OFD1: variants seen among roughly 807,000 people sequenced by gnomAD.
The protein encoded by OFD1 is OFD1 centriole and centriolar satellite protein, also known as centriole and centriolar satellite protein OFD1.
Under a neutral mutation model 81.4 loss-of-function variants are expected in OFD1, and 12 were observed. That is an observed-to-expected ratio of 0.15 (90% CI 0.09 to 0.24). The LOEUF is 0.24. Ranked by LOEUF, OFD1 falls within the 10% of genes least tolerant of loss-of-function variation. The pLI, the probability that OFD1 is intolerant of heterozygous loss-of-function variation, is 1.00. For missense variants in OFD1, 685 were observed against 733.9 expected (o/e 0.93, Z 0.77); for synonymous variants, 256 against 263.7 (o/e 0.97, Z 0.28).
At chrX:13,739,090 A>G (rs993343882) in intron 5 of OFD1, 58 bp downstream of exon 5, 102 of 1,052,095 alleles carry the variant, frequency 9.7e-5, no homozygotes, top group Non-Finnish European at 1.3e-4. Context: ...TTTTTCCTCT[A>G]AAAGAATGAA....
the OFD1 span, chrX:13,722,194 C>T: frequency 2.4e-5 from 1 of 42,384 alleles, no homozygotes. Context: ...TTCTTCAGTA[C>T]ATTTAAGCAG....
chrX:13,736,440 T>C (rs746482818), intron 2 of OFD1, 38 bp from the exon 3 acceptor site: 18 of 1,179,742 alleles, frequency 1.5e-5, no homozygotes, highest in Non-Finnish European at 2.1e-5. Context: ...TTCTTTCCCT[T>C]GTGTTTCTTT....
At chrX:13,724,615 A>G in the OFD1 span, among the ~76,000 whole-genome samples, 1 of 111,675 alleles carries the variant, frequency 9.0e-6, no homozygotes, top group African/African-American at 3.3e-5. Context: ...ATATTAAGAA[A>G]ACGTCTAGGG....
At chrX:13,740,545 C>G (rs1223597097) in intron 5 of OFD1, among the ~76,000 whole-genome samples, 1 of 111,550 alleles carries the variant, frequency 9.0e-6, no homozygotes, top group Non-Finnish European at 1.9e-5. Context: ...GTAATCCCAG[C>G]ACTTTGGGAG....
intron 20 of OFD1, 177 bp from the exon 21 acceptor site, chrX:13,767,877 A>G: frequency 2.2e-6 from 1 of 445,024 alleles, no homozygotes; most frequent in Non-Finnish European, 3.9e-6. Context: ...ACCTTCCTTC[A>G]TTGAGATGAC....
intron 20 of OFD1, 90 bp from the exon 21 acceptor site, chrX:13,767,964 G>A: frequency 1.2e-5 from 11 of 922,706 alleles, no homozygotes; most frequent in Non-Finnish European, 1.7e-5. Context: ...TGTACTTGAA[G>A]GATCGGGATT....
chrX:13,738,878 T>G lies in OFD1; in HGVS notation c.345T>G (p.Ile115Met), dbSNP rs751918276. The change falls in exon 4 of 23, where the codon ATT (isoleucine) becomes ATG (methionine). Residue 115 changes from isoleucine (I) to methionine (M), a missense_variant. By Grantham distance (10) the Ile-to-Met change is conservative (BLOSUM62 1). Coordinates refer to ENST00000340096, the MANE Select transcript of OFD1 (RefSeq NM_003611.3). Reference sequence around the variant, plus strand: ...CTATGCAGGATCTATTACAACTCATTAAAATCAACCCTACTTCCAGTCTCT... The same window carrying G: ...CTATGCAGGATCTATTACAACTCATGAAAATCAACCCTACTTCCAGTCTCT... ...VFTMQDLLQLIKINPTSSLYK... is the reference protein window; with the variant it reads ...VFTMQDLLQLMKINPTSSLYK... The G allele has an allele frequency of 5.0e-6, 6 of 1,188,878 alleles. No homozygotes were observed. In the Admixed American group the frequency reaches 1.3e-4, roughly 26 times the overall value.
the OFD1 span, among the ~76,000 whole-genome samples, chrX:13,716,879 C>T: frequency 9.1e-6 from 1 of 110,308 alleles, no homozygotes; most frequent in African/African-American, 3.3e-5. Context: ...TACATCTCAA[C>T]AGAAACAGCC....
chrX:13,729,959 A>G (rs915856397), upstream of OFD1, among the ~76,000 whole-genome samples: 2 of 112,239 alleles, frequency 1.8e-5, no homozygotes, highest in African/African-American at 3.2e-5. Context: ...ACCTAAAACC[A>G]TAAAAACTCT....
chrX:13,764,793 G>T (rs1010046372), intron 19 of OFD1, among the ~76,000 whole-genome samples: 2 of 112,082 alleles, frequency 1.8e-5, no homozygotes, highest in Non-Finnish European at 3.8e-5. Flanking sequence ...AAAGCATTCA[G>T]TGAGACATGA....
intron 19 of OFD1, 28 bp downstream of exon 19, chrX:13,763,883 A>G: frequency 9.3e-7 from 1 of 1,070,921 alleles, no homozygotes. Context: ...ACTAACAGTC[A>G]GCAGGGTCGC....
intron 17 of OFD1, 73 bp downstream of exon 17, chrX:13,761,284 A>T: frequency 4.0e-5 from 42 of 1,048,895 alleles, no homozygotes; most frequent in Admixed American, 3.4e-4. Flanking sequence ...CACTTGTTTT[A>T]CTGGGATTTT....
Position 13,735,094 on chromosome X carries a change from C to G in OFD1, c.12+11C>G. The G allele has an allele frequency of 8.3e-7, 1 of 1,203,247 alleles. No individual in the cohort carries two copies. The highest frequency in any genetic ancestry group is 1.1e-6 in the Non-Finnish European group (1 of 893,068). ...CTGATGATGGCGCAGGTAGACACAC[C>G]TGCCCCTTCTCGGGCGGAAATAAAG... On this transcript the variant is annotated intron_variant, in intron 1 of 22. Coordinates refer to ENST00000340096, the MANE Select transcript of OFD1 (RefSeq NM_003611.3).
intron 10 of OFD1, 148 bp downstream of exon 10, chrX:13,751,516 C>T: frequency 2.0e-6 from 1 of 491,880 alleles, no homozygotes; most frequent in Non-Finnish European, 3.4e-6. Context: ...TCAATCCTTT[C>T]CTGCATTTGA....
At chrX:13,742,971 A>T (rs921233051) in intron 5 of OFD1, among the ~76,000 whole-genome samples, 5 of 112,004 alleles carry the variant, frequency 4.5e-5, no homozygotes, top group African/African-American at 1.6e-4. Context: ...CCCTTCCTGA[A>T]GGGAGTGGGG....
chrX:13,738,164 A>G (rs1474532134), intron 3 of OFD1, among the ~76,000 whole-genome samples: 1 of 112,479 alleles, frequency 8.9e-6, no homozygotes, highest in Non-Finnish European at 1.9e-5. Flanking sequence ...TTCATTTTTG[A>G]TACATCATTC....
intron 5 of OFD1, among the ~76,000 whole-genome samples, chrX:13,743,223 T>G (rs1479090596): frequency 1.8e-5 from 2 of 112,770 alleles, no homozygotes; most frequent in African/African-American, 6.5e-5. Context: ...TAGAATTGTT[T>G]GAGGTTAAAA....
chrX:13,752,312 A>G (rs918080276), intron 10 of OFD1, among the ~76,000 whole-genome samples: 8 of 112,409 alleles, frequency 7.1e-5, no homozygotes, highest in African/African-American at 2.6e-4. Context: ...TGTGTGGGAA[A>G]GCATCTGGCA....
chrX:13,734,109 G>C, upstream of OFD1: 1 of 513,510 alleles, frequency 1.9e-6, no homozygotes, highest in Non-Finnish European at 3.5e-6. Flanking sequence ...TCAACCCGGA[G>C]CGATCTTGCT....
Sources: gnomAD v4.1 joint callset for allele counts (sites outside exome capture counted in the v4.1 genomes callset) on GRCh38, gnomAD v4.1.1 for gene constraint, MANE v1.5 for transcripts, NCBI Gene and HGNC (gene_info 2026-07-23, HGNC 2026-07-21) for gene names.